SDK2: variants seen among roughly 807,000 people sequenced by gnomAD.
SDK2 encodes the protein protein sidekick-2.
A neutral mutation model predicts 253.9 loss-of-function variants in SDK2; 105 were observed. The observed-to-expected ratio is 0.41, with a 90% CI of 0.35 to 0.49. The LOEUF (loss-of-function observed/expected upper bound fraction) is 0.49, where lower values mean the gene tolerates loss of function less well. SDK2 is among the 20% of genes least tolerant of loss of function. SDK2 has a pLI of 0.06. For synonymous variants in SDK2, 1,249 were observed against 1,234.9 expected (o/e 1.01, Z -0.24); for missense variants, 2,608 against 3,003.0 (o/e 0.87, Z 3.07).
rs1026861934 is a variant in SDK2 at position 73,396,287 on chromosome 17, G to C, written c.3355-895C>G. ...AGCTTAAGGTTGTGTGGATGACCAT[G>C]GGCAGTGCTGGTGAGAGTGGAGGTG... On this transcript the variant is annotated intron_variant, in intron 24 of 44. Coordinates refer to ENST00000392650, the MANE Select transcript of SDK2 (RefSeq NM_001144952.2). Among the ~76,000 whole-genome samples the C allele has an allele frequency of 9.9e-5, 15 of 152,270 alleles. No individual in the cohort carries two copies. In the Middle Eastern group the frequency reaches 0.014, roughly 138 times the overall value.
chr17:73,605,491 G>A (rs1599720013), intron 1 of SDK2, among the ~76,000 whole-genome samples: 1 of 152,184 alleles, frequency 6.6e-6, no homozygotes, highest in East Asian at 1.9e-4. Flanking sequence ...GGAGAAGGCA[G>A]TTGGGGCCTT....
rs1238913284 is a variant in SDK2 at position 73,438,129 on chromosome 17, A to AAATGATATG, written c.742_750dup (p.His248_Ile250dup). The stretch of plus-strand genomic sequence containing the variant: ...GACAGCAATACCCCGTCCTTCTTCC[A>AAATGATATG]AATGATATGTAGCTTGATCAGGGGC... On this transcript the variant is annotated inframe_insertion, in exon 7 of 45. Coordinates refer to ENST00000392650, the MANE Select transcript of SDK2 (RefSeq NM_001144952.2). 1 of 1,551,512 alleles carries AAATGATATG rather than the reference A, an allele frequency of 6.4e-7. No individual in the cohort carries two copies. Among genetic ancestry groups the AAATGATATG allele is most frequent in the African/African-American group, 1.4e-5 (1 of 73,060 alleles).
chr17:73,626,832 C>T (rs1446897266), intron 1 of SDK2, among the ~76,000 whole-genome samples: 1 of 152,166 alleles, frequency 6.6e-6, no homozygotes, highest in Non-Finnish European at 1.5e-5. Context: ...TCGATGTGGA[C>T]CCCAGAGGGT....
chr17:73,409,194 G>C (rs2063105228), intron 18 of SDK2, among the ~76,000 whole-genome samples: 1 of 152,030 alleles, frequency 6.6e-6, no homozygotes, highest in South Asian at 2.1e-4. Flanking sequence ...CAATTAAAAG[G>C]GGGCAGCCGG....
At chr17:73,421,427 T>G (rs2063229001) in intron 15 of SDK2, among the ~76,000 whole-genome samples, 1 of 152,200 alleles carries the variant, frequency 6.6e-6, no homozygotes, top group Non-Finnish European at 1.5e-5. Flanking sequence ...TCACGGTTGT[T>G]CTGACCTCTC....
chr17:73,434,582 C>T (rs977867268), intron 9 of SDK2, among the ~76,000 whole-genome samples: 1 of 152,236 alleles, frequency 6.6e-6, no homozygotes, highest in Non-Finnish European at 1.5e-5. Context: ...CTGAGGAGCC[C>T]ACCAGTGCTT....
At chr17:73,446,393 G>A (rs1005233446) in intron 5 of SDK2, among the ~76,000 whole-genome samples, 1 of 152,110 alleles carries the variant, frequency 6.6e-6, no homozygotes, top group Admixed American at 6.5e-5. Context: ...TACTTGTGAC[G>A]CCGATGGGTC....
intron 12 of SDK2, among the ~76,000 whole-genome samples, chr17:73,426,606 G>A (rs1010561286): frequency 1.3e-5 from 2 of 152,062 alleles, no homozygotes; most frequent in Admixed American, 6.5e-5. Flanking sequence ...ATTTCCTCAA[G>A]GACAAATTCT....
chr17:73,340,095 C>T (rs1280502617), intron 44 of SDK2, among the ~76,000 whole-genome samples: 1 of 152,186 alleles, frequency 6.6e-6, no homozygotes. Context: ...TGGTCTTGAA[C>T]TCCTGACCTC....
At position 73,570,568 on chromosome 17, in the gene SDK2, C is replaced by T. The variant is rs769097586; in HGVS notation, c.65-62971G>A. ...AGGCTGATGGTGGTGATGTTGCCAC[C>T]TTCCACTGAGCGCTGACTACCCGTG... On this transcript the variant is annotated intron_variant, in intron 1 of 44. Coordinates refer to ENST00000392650, the MANE Select transcript of SDK2 (RefSeq NM_001144952.2). The surrounding 1 kb of genome is among the most constrained non-coding windows in gnomAD (Gnocchi z 4.2). 2.3e-4 allele frequency among the ~76,000 whole-genome samples: 35 copies of T among 152,268 alleles called. No homozygotes were observed. The highest frequency in any genetic ancestry group is 8.5e-4 in the Admixed American group (13 of 15,308).
chr17:73,519,168 A>T (rs910356244), intron 1 of SDK2: 1 of 152,332 alleles, frequency 6.6e-6, no homozygotes, highest in Non-Finnish European at 1.5e-5. Flanking sequence ...TGGTGCCACC[A>T]GATGCAGGGC....
Position 73,338,901 on chromosome 17 carries a change from T to C in SDK2, c.6205A>G (p.Lys2069Glu). Residue 2069 changes from lysine (K) to glutamate (E), a missense_variant, in exon 45 of 45, where the codon AAG becomes GAG. Coordinates refer to ENST00000392650, the MANE Select transcript of SDK2 (RefSeq NM_001144952.2). The surrounding 1 kb of genome is among the most constrained non-coding windows in gnomAD (Gnocchi z 5.0). ...SEYEVDSNHQ[K>E]AHSFVNHYIS... ...TAGTGGTTGACAAAGGAGTGGGCCT[T>C]CTGGTGGTTTGAGTCGACCTCGTAC... 6.2e-7 allele frequency: 1 copy of C among 1,614,006 alleles called. No individual in the cohort carries two copies. Among genetic ancestry groups the C allele is most frequent in the Non-Finnish European group, 8.5e-7 (1 of 1,179,902 alleles).
chr17:73,439,945 G>A, intron 6 of SDK2, among the ~76,000 whole-genome samples: 1 of 152,212 alleles, frequency 6.6e-6, no homozygotes, highest in African/African-American at 2.4e-5. Flanking sequence ...CTTGTGGGAA[G>A]GTGCTTAGCA....
At chr17:73,560,380 C>T (rs550655676) in intron 1 of SDK2, among the ~76,000 whole-genome samples, 4 of 152,266 alleles carry the variant, frequency 2.6e-5, no homozygotes, top group East Asian at 1.9e-4. Context: ...CTTGCTCTGT[C>T]GCCCAGGCTG....
chr17:73,394,390 A>T (rs916344457), intron 25 of SDK2, 66 bp from the exon 26 acceptor site: 1 of 1,094,756 alleles, frequency 9.1e-7, no homozygotes, highest in Non-Finnish European at 1.2e-6. Context: ...AGGGAAGTGG[A>T]CCAGGACAGG....
At chr17:73,466,753 G>A (rs2063602808) in intron 3 of SDK2, among the ~76,000 whole-genome samples, 1 of 151,408 alleles carries the variant, frequency 6.6e-6, no homozygotes, top group South Asian at 2.1e-4. Flanking sequence ...TCTTTGGGGG[G>A]CTCTGGGCTT....
At chr17:73,444,794 G>C (rs890981998) in intron 5 of SDK2, among the ~76,000 whole-genome samples, 1 of 152,150 alleles carries the variant, frequency 6.6e-6, no homozygotes, top group Non-Finnish European at 1.5e-5. Flanking sequence ...GGTGGGGCAG[G>C]GGTGTGAGCT....
rs1029977846 is a variant in SDK2, at chr17:73,562,088, T to C, written c.65-54491A>G. On this transcript the variant is annotated intron_variant, in intron 1 of 44. Transcript: ENST00000392650. Reference sequence around the variant, plus strand: ...TTGCAGTGAGCCGAGATCTTGCCACTGCACTCCAACCTGGGCGACAGAGCG... The same window carrying C: ...TTGCAGTGAGCCGAGATCTTGCCACCGCACTCCAACCTGGGCGACAGAGCG... 9.9e-5 allele frequency among the ~76,000 whole-genome samples: 15 copies of C among 152,280 alleles called. No homozygotes were observed. In the South Asian group the frequency reaches 1.0e-3, roughly 11 times the overall value.
intron 1 of SDK2, among the ~76,000 whole-genome samples, chr17:73,556,877 T>A (rs1029289635): frequency 1.3e-5 from 2 of 152,196 alleles, no homozygotes; most frequent in Non-Finnish European, 2.9e-5. Flanking sequence ...ATAGAAACTC[T>A]CTCACAGGGG....
Sources: allele counts gnomAD v4.1 joint callset (sites outside exome capture counted in the v4.1 genomes callset), GRCh38; gene constraint gnomAD v4.1.1; non-coding constraint Gnocchi (gnomAD v3.1); transcripts MANE v1.5; gene names NCBI Gene and HGNC (gene_info 2026-07-23, HGNC 2026-07-21).